The following CADM1 variants were observed in gnomAD, a reference collection of about 807,000 sequenced individuals.
CADM1 encodes the protein cell adhesion molecule 1.
Under a neutral mutation model 53.1 loss-of-function variants are expected in CADM1, and 15 were observed. The observed-to-expected ratio is 0.28, with a 90% confidence interval of 0.19 to 0.44. CADM1 has a LOEUF of 0.44. Ranked by LOEUF, CADM1 falls within the 20% of genes least tolerant of loss-of-function variation. CADM1 has a pLI of 1.00. For synonymous variants in CADM1, 281 were observed against 243.0 expected (o/e 1.16, Z -1.45); for missense variants, 434 against 611.3 (o/e 0.71, Z 3.06).
At chr11:115,503,564 C>A (rs1591313910) in intron 1 of CADM1, among the ~76,000 whole-genome samples, 2 of 152,142 alleles carry the variant, frequency 1.3e-5, no homozygotes, top group South Asian at 4.1e-4. Context: ...AGCGGCCGCC[C>A]CCCCCGCGGG....
At chr11:115,207,609 T>C (rs112432888) in intron 8 of CADM1, among the ~76,000 whole-genome samples, 1 of 151,348 alleles carries the variant, frequency 6.6e-6, no homozygotes, top group Admixed American at 6.6e-5. Context: ...CATAAGCTAG[T>C]GAGAAGGCCA....
chr11:115,269,357 C>G (rs563631782), intron 1 of CADM1, among the ~76,000 whole-genome samples: 1 of 152,238 alleles, frequency 6.6e-6, no homozygotes, highest in South Asian at 2.1e-4. Context: ...AGCAGCTTAC[C>G]CAAGCCAAGT....
intron 1 of CADM1, among the ~76,000 whole-genome samples, chr11:115,503,995 A>C: frequency 1.3e-5 from 2 of 150,864 alleles, no homozygotes; most frequent in African/African-American, 2.4e-5. Flanking sequence ...CCCCATTCTC[A>C]CTCCACTCTG....
chr11:115,411,243 G>A (rs1040672411), intron 1 of CADM1, among the ~76,000 whole-genome samples: 3 of 152,158 alleles, frequency 2.0e-5, no homozygotes, highest in Admixed American at 2.0e-4. Flanking sequence ...ACAAGATAGG[G>A]AGATGAATGC....
At chr11:115,292,621 TTATGA>T (rs1355904413) in intron 1 of CADM1, among the ~76,000 whole-genome samples, 1 of 152,214 alleles carries the variant, frequency 6.6e-6, no homozygotes, top group African/African-American at 2.4e-5. Context: ...GTATGGCATG[TTATGA>T]TATACCAAGT....
In CADM1 at chr11:115,178,733, T is replaced by C; in HGVS notation, c.1208A>G (p.His403Arg). Residue 403 changes from histidine (H) to arginine (R), a missense_variant, in exon 11 of 12, where the codon CAT becomes CGT. Transcript: ENST00000331581. ...CGCCACGACGCCACCGATCACGGCA[T>C]GATCCACTGCCCTGATCGAGCCTTC... ...GEEGSIRAVD[H>R]AVIGGVVAVV... 6.2e-7 allele frequency: 1 copy of C among 1,613,852 alleles called. No homozygotes were observed. The highest frequency in any genetic ancestry group is 2.2e-5 in the East Asian group (1 of 44,870).
At chr11:115,379,054 A>G (rs777579031) in intron 1 of CADM1, among the ~76,000 whole-genome samples, 1 of 152,242 alleles carries the variant, frequency 6.6e-6, no homozygotes, top group African/African-American at 2.4e-5. Context: ...TAGATGATGT[A>G]GCATGAGTGC....
At chr11:115,305,634 C>A (rs1022889970) in intron 1 of CADM1, among the ~76,000 whole-genome samples, 1 of 151,860 alleles carries the variant, frequency 6.6e-6, no homozygotes. Flanking sequence ...GTTTCTTCTA[C>A]CAGCACTAGC....
intron 1 of CADM1, among the ~76,000 whole-genome samples, chr11:115,386,668 T>G (rs1328923191): frequency 6.6e-6 from 1 of 151,576 alleles, no homozygotes; most frequent in South Asian, 2.1e-4. Context: ...CTATAACTCA[T>G]TAATCCACTA....
At chr11:115,294,706 T>G (rs1293744059) in intron 1 of CADM1, among the ~76,000 whole-genome samples, 3 of 152,074 alleles carry the variant, frequency 2.0e-5, no homozygotes, top group Non-Finnish European at 4.4e-5. Context: ...AAATAAAAAT[T>G]TTACTTGTGA....
intron 1 of CADM1, among the ~76,000 whole-genome samples, chr11:115,281,404 T>C (rs1407958839): frequency 6.6e-6 from 1 of 152,230 alleles, no homozygotes; most frequent in South Asian, 2.1e-4. Context: ...CTAAGATAAA[T>C]GCTATTTTTA....
chr11:115,376,999 C>T (rs1013407107), intron 1 of CADM1, among the ~76,000 whole-genome samples: 2 of 152,070 alleles, frequency 1.3e-5, no homozygotes, highest in Non-Finnish European at 2.9e-5. Flanking sequence ...AATGTCTAGC[C>T]GGCTTTAAAT....
intron 8 of CADM1, among the ~76,000 whole-genome samples, chr11:115,202,915 A>G (rs1274977554): frequency 6.6e-6 from 1 of 152,044 alleles, no homozygotes; most frequent in Non-Finnish European, 1.5e-5. Flanking sequence ...AACTGCTGGA[A>G]AATTAAACTC....
intron 3 of CADM1, among the ~76,000 whole-genome samples, chr11:115,234,258 T>C (rs1941932452): frequency 6.6e-6 from 1 of 152,206 alleles, no homozygotes; most frequent in Non-Finnish European, 1.5e-5. Context: ...CTCCATTTGG[T>C]TCATAAAGAT....
chr11:115,393,820 C>G (rs918406155), intron 1 of CADM1, among the ~76,000 whole-genome samples: 11 of 152,020 alleles, frequency 7.2e-5, no homozygotes, highest in South Asian at 4.2e-4. Context: ...TAGCACTGTC[C>G]TTACCATGAA....
At chr11:115,398,771 T>G (rs1191830161) in intron 1 of CADM1, among the ~76,000 whole-genome samples, 1 of 152,238 alleles carries the variant, frequency 6.6e-6, no homozygotes, top group East Asian at 1.9e-4. Flanking sequence ...CTAGGCTCTT[T>G]TAATGTGACT....
At chr11:115,358,247 T>C (rs1308661441) in intron 1 of CADM1, among the ~76,000 whole-genome samples, 1 of 152,184 alleles carries the variant, frequency 6.6e-6, no homozygotes, top group African/African-American at 2.4e-5. Context: ...TTAAAATAAT[T>C]GTATAGAAAA....
chr11:115,216,265 T>C (rs61908547), intron 6 of CADM1, among the ~76,000 whole-genome samples: 9,334 of 152,286 alleles, frequency 0.061, 698 homozygotes, highest in African/African-American at 0.18. Flanking sequence ...CTGGTTCCTA[T>C]TTGAAAGGAA....
chr11:115,186,035 C>T (rs746395335), intron 10 of CADM1, among the ~76,000 whole-genome samples: 5 of 152,296 alleles, frequency 3.3e-5, no homozygotes, highest in African/African-American at 7.2e-5. Flanking sequence ...TCCCTTCCCA[C>T]GGTGGAAACA....
Sources: gnomAD v4.1 joint callset for allele counts (sites outside exome capture counted in the v4.1 genomes callset) on GRCh38, gnomAD v4.1.1 for gene constraint, MANE v1.5 for transcripts, NCBI Gene and HGNC (gene_info 2026-07-23, HGNC 2026-07-21) for gene names.